The following CAST variants were observed in gnomAD, a reference collection of about 807,000 sequenced individuals.
The protein encoded by CAST is calpastatin, also known as MIR583 host.
Under a neutral mutation model 119.6 loss-of-function variants are expected in CAST, and 76 were observed. The ratio of observed to expected loss-of-function variants is 0.64; its 90% CI spans 0.53 to 0.77. The LOEUF is 0.77. Among genes scored for constraint, CAST ranks in the 30% least tolerant of loss-of-function variants. CAST has a pLI of 0.00. For synonymous variants in CAST, 319 were observed against 331.6 expected (o/e 0.96, Z 0.41); for missense variants, 953 against 946.5 (o/e 1.01, Z -0.09).
intron 16 of CAST, chr5:96,743,857 A>G (rs959675786): frequency 4.0e-6 from 3 of 744,450 alleles, no homozygotes; most frequent in Middle Eastern, 2.7e-4. Flanking sequence ...GTGTTGGCAG[A>G]ATCCTGGGGG....
At chr5:96,739,354 G>A (rs1581206545) in intron 11 of CAST, among the ~76,000 whole-genome samples, 1 of 152,082 alleles carries the variant, frequency 6.6e-6, no homozygotes, top group African/African-American at 2.4e-5. Flanking sequence ...ATAGAGGACA[G>A]GATAATAAAA....
intron 1 of CAST, among the ~76,000 whole-genome samples, chr5:96,628,534 C>T (rs1447042537): frequency 1.3e-5 from 2 of 152,186 alleles, no homozygotes; most frequent in Non-Finnish European, 2.9e-5. Flanking sequence ...ATCTGGGGGG[C>T]TGGGTGACAT....
At chr5:96,143,359 C>T in the CAST span, among the ~76,000 whole-genome samples, 1 of 152,202 alleles carries the variant, frequency 6.6e-6, no homozygotes, top group Non-Finnish European at 1.5e-5. Context: ...CCTGTATGCA[C>T]TTTTAATCTA....
At chr5:96,397,694 C>T in the CAST span, among the ~76,000 whole-genome samples, 1 of 152,018 alleles carries the variant, frequency 6.6e-6, no homozygotes, top group East Asian at 1.9e-4. Context: ...TATTATTTGC[C>T]TCAATAAATA....
At chr5:96,601,736 T>C (rs760596642) in intron 1 of CAST, among the ~76,000 whole-genome samples, 28 of 152,348 alleles carry the variant, frequency 1.8e-4, no homozygotes, top group Middle Eastern at 6.8e-3. Context: ...TCAGGATACA[T>C]CTTACCCTCT....
the CAST span, among the ~76,000 whole-genome samples, chr5:96,072,219 G>T: frequency 1.1e-5 from 1 of 92,400 alleles, no homozygotes; most frequent in Admixed American, 9.0e-5. Flanking sequence ...TAGTTATATT[G>T]TTAAGGCCTG....
chr5:96,397,893 G>A, the CAST span, among the ~76,000 whole-genome samples: 2 of 151,790 alleles, frequency 1.3e-5, no homozygotes, highest in African/African-American at 2.4e-5. Flanking sequence ...ACTCCATAAT[G>A]ATTTAAACAT....
chr5:96,326,287 G>A, the CAST span, among the ~76,000 whole-genome samples: 2 of 151,972 alleles, frequency 1.3e-5, no homozygotes, highest in South Asian at 2.1e-4. Flanking sequence ...ATCATCTCAC[G>A]TTGAATGACC....
the CAST span, among the ~76,000 whole-genome samples, chr5:96,344,910 G>A: frequency 4.6e-5 from 7 of 152,262 alleles, no homozygotes; most frequent in East Asian, 7.7e-4. Context: ...ACAGAATACC[G>A]TGATATAATG....
chr5:96,768,773 C>A (rs1770998285), intron 29 of CAST, among the ~76,000 whole-genome samples: 1 of 152,180 alleles, frequency 6.6e-6, no homozygotes, highest in African/African-American at 2.4e-5. Flanking sequence ...CTCTTCATTC[C>A]TCAGGGCACA....
the CAST span, chr5:96,213,377 T>C: frequency 6.6e-6 from 1 of 152,180 alleles, no homozygotes; most frequent in East Asian, 1.9e-4. Context: ...TGTCTCTTAA[T>C]TGGTATATGT....
At chr5:96,459,775 G>T in the CAST span, among the ~76,000 whole-genome samples, 4 of 152,174 alleles carry the variant, frequency 2.6e-5, no homozygotes, top group African/African-American at 9.7e-5. Flanking sequence ...TTTGTCTTGG[G>T]ACATTGTGTT....
At chr5:96,013,050 C>CATT in the CAST span, among the ~76,000 whole-genome samples, 3 of 152,118 alleles carry the variant, frequency 2.0e-5, no homozygotes, top group Non-Finnish European at 4.4e-5. Flanking sequence ...AAGAATAAAT[C>CATT]ATTATTAAGT....
chr5:96,376,982 T>C, the CAST span, among the ~76,000 whole-genome samples: 42 of 152,186 alleles, frequency 2.8e-4, no homozygotes, highest in Admixed American at 1.0e-3. Context: ...GCTGTGTGTG[T>C]TTGTGTACTA....
intron 2 of CAST, among the ~76,000 whole-genome samples, chr5:96,683,580 C>T (rs1038213102): frequency 1.3e-5 from 2 of 152,114 alleles, no homozygotes; most frequent in Non-Finnish European, 2.9e-5. Flanking sequence ...GGATTACTAG[C>T]AGGACATGAT....
the CAST span, among the ~76,000 whole-genome samples, chr5:96,357,459 G>C: frequency 6.6e-6 from 1 of 152,094 alleles, no homozygotes. Flanking sequence ...TACGATATTG[G>C]CTGTGGGTTT....
chr5:96,553,171 T>A (rs185405658), intron 1 of CAST, among the ~76,000 whole-genome samples: 65 of 152,336 alleles, frequency 4.3e-4, no homozygotes, highest in African/African-American at 1.4e-3. Context: ...AATAAAATAC[T>A]GGCAAACCGA....
chr5:96,500,401 A>G, the CAST span, among the ~76,000 whole-genome samples: 3 of 152,336 alleles, frequency 2.0e-5, no homozygotes, highest in South Asian at 6.2e-4. Context: ...GGCTGCTCAC[A>G]TATTCTAAGC....
At chr5:96,180,453 G>A in the CAST span, among the ~76,000 whole-genome samples, 2 of 152,178 alleles carry the variant, frequency 1.3e-5, no homozygotes, top group Non-Finnish European at 2.9e-5. Context: ...GAGGTACTAT[G>A]AAAGTTTAAC....
Sources: allele counts gnomAD v4.1 joint callset (sites outside exome capture counted in the v4.1 genomes callset), GRCh38; gene constraint gnomAD v4.1.1; transcripts MANE v1.5; gene names NCBI Gene and HGNC (gene_info 2026-07-23, HGNC 2026-07-21).